The following HMCN1 variants were observed in gnomAD, a reference collection of about 807,000 sequenced individuals.
HMCN1 encodes the protein hemicentin 1, also known as hemicentin-1.
A neutral mutation model predicts 625.9 loss-of-function variants in HMCN1; 321 were observed. The observed-to-expected ratio is 0.51, with a 90% CI of 0.47 to 0.56. The LOEUF is 0.56. HMCN1 is among the 20% of genes least tolerant of loss of function. The pLI is 0.00. For missense variants in HMCN1, 6,588 were observed against 6,887.3 expected, an observed-to-expected ratio of 0.96 and a Z score of 1.54; for synonymous variants, 2,425 against 2,417.6, an observed-to-expected ratio of 1.00 and a Z score of -0.09.
At position 186,030,989 on chromosome 1, in the gene HMCN1, C is replaced by A. The variant is rs191274290; in HGVS notation, c.5750-6945C>A. On this transcript the variant is annotated intron_variant, in intron 36 of 106. Coordinates refer to ENST00000271588, the MANE Select transcript of HMCN1 (RefSeq NM_031935.3). The stretch of plus-strand genomic sequence containing the variant: ...AAACGAATTACATTTTTTAAAGTGC[C>A]CATTACTGCTTTATATTATCATCTT... 1.0e-3 allele frequency among the ~76,000 whole-genome samples: 158 copies of A among 151,744 alleles called. 1 individual carries two copies. The highest frequency in any genetic ancestry group is 3.7e-3 in the African/African-American group (152 of 41,464).
At chr1:185,845,977 A>T in intron 1 of HMCN1, 49 bp from the exon 2 acceptor site, 1 of 1,179,028 alleles carries the variant, frequency 8.5e-7, no homozygotes, top group Non-Finnish European at 1.3e-6. Context: ...GAAAGTCTTT[A>T]ATGCCATTGA....
In HMCN1 at chr1:185,734,655, T is replaced by C; in HGVS notation, c.-125T>C. ...GTCTGATTCTCAGCGCCAAACTTTT[T>C]GCTAGTTCAGAGATTCCAAGAGTCT... is the stretch of plus-strand genomic sequence containing the variant. On this transcript the variant is annotated 5_prime_UTR_variant, in exon 1 of 107. Transcript: ENST00000271588. The C allele has an allele frequency of 1.1e-6, 1 of 938,010 alleles. No individual in the cohort carries two copies. Among genetic ancestry groups the C allele is most frequent in the Non-Finnish European group, 1.7e-6 (1 of 588,552 alleles). 58.1% of individuals were successfully genotyped at this position (938,010 alleles called of 1,614,324 possible). A position where few individuals can be genotyped will look rare whatever the true frequency, so the allele number is the denominator to read the frequency against.
At chr1:186,079,207 G>A (rs190544652) in intron 55 of HMCN1, among the ~76,000 whole-genome samples, 4 of 152,130 alleles carry the variant, frequency 2.6e-5, no homozygotes, top group African/African-American at 9.7e-5. Context: ...CTCTGCCTCT[G>A]TGGCTCCTCT....
At chr1:185,929,222 TAATG>T (rs1181649670) in intron 10 of HMCN1, among the ~76,000 whole-genome samples, 4 of 152,092 alleles carry the variant, frequency 2.6e-5, no homozygotes, top group Non-Finnish European at 4.4e-5. Context: ...TGGAAGATAA[TAATG>T]AAAATGATTA....
At chr1:186,026,795 T>A (rs927181393) in intron 36 of HMCN1, among the ~76,000 whole-genome samples, 4 of 151,902 alleles carry the variant, frequency 2.6e-5, no homozygotes, top group African/African-American at 9.7e-5. Flanking sequence ...CCACCATGCC[T>A]GGCTAATGTT....
chr1:186,012,515 TA>T (rs897182273), intron 30 of HMCN1, among the ~76,000 whole-genome samples: 9 of 151,688 alleles, frequency 5.9e-5, no homozygotes, highest in East Asian at 1.9e-4. Context: ...AAAGTTGTCT[TA>T]AAAAAAAATT....
chr1:185,873,827 G>C (rs1279723204), intron 4 of HMCN1, among the ~76,000 whole-genome samples: 1 of 151,774 alleles, frequency 6.6e-6, no homozygotes, highest in Non-Finnish European at 1.5e-5. Flanking sequence ...GAATAATTTG[G>C]GCCAAGGTAA....
intron 104 of HMCN1, among the ~76,000 whole-genome samples, chr1:186,180,499 A>T (rs925593072): frequency 6.6e-6 from 1 of 152,200 alleles, no homozygotes; most frequent in Non-Finnish European, 1.5e-5. Context: ...CTTCCAAATT[A>T]TCAGAAGGTC....
chr1:186,080,372 A>G (rs565283768), intron 55 of HMCN1, among the ~76,000 whole-genome samples: 6 of 152,246 alleles, frequency 3.9e-5, no homozygotes, highest in Non-Finnish European at 7.3e-5. Flanking sequence ...CAAAACAAAA[A>G]TGATTATTTT....
intron 86 of HMCN1, among the ~76,000 whole-genome samples, chr1:186,134,711 C>T (rs1649488928): frequency 1.3e-5 from 2 of 152,210 alleles, no homozygotes; most frequent in Non-Finnish European, 2.9e-5. Context: ...TATTTGTATT[C>T]TATTTATTCT....
Position 185,885,383 on chromosome 1 carries a change from C to T in HMCN1, c.621+19520C>T, listed in dbSNP as rs372766330. Among the ~76,000 whole-genome samples, 7 of 151,754 alleles carry T rather than the reference C, an allele frequency of 4.6e-5. No individual in the cohort carries two copies. The East Asian group carries it at 5.8e-4, about 13-fold the overall frequency. ...AAAATCATTAGGCAATATTTATGTCCATTGAGTGTTATAGTTGAAGCAGAG... is the reference window on the plus strand; with the variant it reads ...AAAATCATTAGGCAATATTTATGTCTATTGAGTGTTATAGTTGAAGCAGAG... On this transcript the variant is annotated intron_variant, in intron 4 of 106. Coordinates refer to ENST00000271588, the MANE Select transcript of HMCN1 (RefSeq NM_031935.3).
intron 6 of HMCN1, among the ~76,000 whole-genome samples, chr1:185,913,115 C>G (rs1488714512): frequency 1.3e-5 from 2 of 151,954 alleles, no homozygotes; most frequent in African/African-American, 4.8e-5. Context: ...GTTTTTTATT[C>G]TCAGAACTCT....
intron 1 of HMCN1, among the ~76,000 whole-genome samples, chr1:185,834,028 AG>A (rs1211224315): frequency 2.0e-5 from 3 of 152,188 alleles, no homozygotes; most frequent in Non-Finnish European, 2.9e-5. Flanking sequence ...ATTTTAAAGT[AG>A]TGATTTCTGT....
At chr1:186,013,200 A>C (rs1249092788) in intron 30 of HMCN1, among the ~76,000 whole-genome samples, 1 of 152,172 alleles carries the variant, frequency 6.6e-6, no homozygotes, top group Non-Finnish European at 1.5e-5. Context: ...TAAATGAATG[A>C]ATGTGACTGT....
chr1:185,953,118 TA>T (rs772744203), intron 11 of HMCN1, among the ~76,000 whole-genome samples: 72 of 149,604 alleles, frequency 4.8e-4, no homozygotes, highest in Admixed American at 9.3e-4. Flanking sequence ...GACTTGCCAC[TA>T]AGGGTGAAGG....
intron 1 of HMCN1, among the ~76,000 whole-genome samples, chr1:185,842,825 G>T (rs1661567128): frequency 6.6e-6 from 1 of 152,068 alleles, no homozygotes; most frequent in African/African-American, 2.4e-5. Context: ...CTCCAAAGAA[G>T]CTCATCCTGC....
intron 6 of HMCN1, among the ~76,000 whole-genome samples, chr1:185,915,362 C>T (rs899967704): frequency 3.3e-5 from 5 of 151,972 alleles, no homozygotes; most frequent in African/African-American, 4.8e-5. Flanking sequence ...TTGAATGTAA[C>T]CACAGAAACT....
chr1:186,073,170 C>G (rs771173081), intron 52 of HMCN1, among the ~76,000 whole-genome samples: 6 of 151,980 alleles, frequency 3.9e-5, no homozygotes, highest in Non-Finnish European at 7.4e-5. Context: ...GAGCAGGGAG[C>G]GTAGTGTCCC....
At chr1:186,092,888 T>G (rs1005630886) in intron 64 of HMCN1, among the ~76,000 whole-genome samples, 1 of 152,110 alleles carries the variant, frequency 6.6e-6, no homozygotes, top group Non-Finnish European at 1.5e-5. Context: ...TAACTAAGAA[T>G]ATAGTATTCT....
Sources: gnomAD v4.1 joint callset for allele counts (sites outside exome capture counted in the v4.1 genomes callset) on GRCh38, gnomAD v4.1.1 for gene constraint, MANE v1.5 for transcripts, NCBI Gene and HGNC (gene_info 2026-07-23, HGNC 2026-07-21) for gene names.